The following ATXN1 variants were observed in gnomAD, a reference collection of about 807,000 sequenced individuals.
The protein encoded by ATXN1 is ataxin 1, also known as ataxin-1.
ATXN1 carries 8 observed loss-of-function variants against 56.4 expected under a neutral mutation model. The observed-to-expected ratio is 0.14, with a 90% CI of 0.08 to 0.26. The LOEUF (loss-of-function observed/expected upper bound fraction) is 0.26. Ranked by LOEUF, ATXN1 falls within the 10% of genes least tolerant of loss-of-function variation. The pLI is 1.00. For missense variants in ATXN1, 987 were observed against 1,106.5 expected (o/e 0.89, Z 1.53); for synonymous variants, 514 against 494.6 (o/e 1.04, Z -0.52).
At chr6:16,556,824 AATT>A (rs1377240046) in intron 4 of ATXN1, among the ~76,000 whole-genome samples, 1 of 152,250 alleles carries the variant, frequency 6.6e-6, no homozygotes, top group Non-Finnish European at 1.5e-5. Context: ...CAGGCAGAAA[AATT>A]ATTATTTATA....
chr6:16,740,707 A>AT (rs970845868), intron 2 of ATXN1, among the ~76,000 whole-genome samples: 6 of 151,902 alleles, frequency 3.9e-5, no homozygotes, highest in Admixed American at 2.6e-4. Context: ...TTATTTATTT[A>AT]TTTTTTTTAG....
At chr6:16,725,949 C>T (rs1195940357) in intron 2 of ATXN1, among the ~76,000 whole-genome samples, 1 of 152,156 alleles carries the variant, frequency 6.6e-6, no homozygotes, top group Non-Finnish European at 1.5e-5. Flanking sequence ...ATTTCTCTGC[C>T]CGCTTTGCCC....
At chr6:16,500,187 T>G (rs1260857288) in intron 5 of ATXN1, among the ~76,000 whole-genome samples, 1 of 152,184 alleles carries the variant, frequency 6.6e-6, no homozygotes, top group Non-Finnish European at 1.5e-5. Flanking sequence ...AAACTTGAAT[T>G]TCTTGTATCA....
chr6:16,684,871 T>C (rs968653006), intron 2 of ATXN1, among the ~76,000 whole-genome samples: 2 of 151,830 alleles, frequency 1.3e-5, no homozygotes, highest in African/African-American at 2.4e-5. Flanking sequence ...TTTTGAAGAA[T>C]TAAGGATTCT....
chr6:16,389,345 A>T (rs1758306093), intron 6 of ATXN1, among the ~76,000 whole-genome samples: 1 of 148,928 alleles, frequency 6.7e-6, no homozygotes, highest in African/African-American at 2.5e-5. Context: ...TCCAAAAAAA[A>T]AGAAAAAAAA....
rs1266055198 is a variant in ATXN1 at position 16,305,354 on chromosome 6, C to T, written c.*975G>A. On this transcript the variant is annotated 3_prime_UTR_variant, in exon 8 of 8. Transcript: ENST00000436367. ...CTAGAGTTCAAAGACAAAAAGATTT[C>T]GCAAACTCAACGTGAAGAGCTTCTG... is the stretch of plus-strand genomic sequence containing the variant. 6.6e-6 allele frequency: 1 copy of T among 152,260 alleles called. No homozygotes were observed. The highest frequency in any genetic ancestry group is 1.5e-5 in the Non-Finnish European group (1 of 68,020). 9.4% of individuals were successfully genotyped at this position (152,260 alleles called of 1,614,324 possible). A position where few individuals can be genotyped will look rare whatever the true frequency, so the allele number is the denominator to read the frequency against.
chr6:16,587,804 G>A (rs1022081176), intron 3 of ATXN1, among the ~76,000 whole-genome samples: 5 of 151,764 alleles, frequency 3.3e-5, no homozygotes, highest in Admixed American at 1.3e-4. Context: ...GGTGGTGGGC[G>A]CCTGTAATCC....
intron 4 of ATXN1, among the ~76,000 whole-genome samples, chr6:16,542,031 T>C (rs562854591): frequency 1.5e-3 from 222 of 152,006 alleles, no homozygotes; most frequent in African/African-American, 4.9e-3. Flanking sequence ...TAAAACCATC[T>C]CTTAAGGCCT....
intron 4 of ATXN1, among the ~76,000 whole-genome samples, chr6:16,569,256 C>T (rs1221909427): frequency 1.3e-5 from 2 of 152,068 alleles, no homozygotes; most frequent in South Asian, 2.1e-4. Context: ...TGGTGGCTCA[C>T]GCCTGTAATC....
chr6:16,564,968 T>G (rs1483677870), intron 4 of ATXN1, among the ~76,000 whole-genome samples: 1 of 152,176 alleles, frequency 6.6e-6, no homozygotes, highest in South Asian at 2.1e-4. Flanking sequence ...AATACAGAAT[T>G]CAAGCAGTTC....
At chr6:16,386,287 T>A (rs1758238864) in intron 6 of ATXN1, among the ~76,000 whole-genome samples, 1 of 152,010 alleles carries the variant, frequency 6.6e-6, no homozygotes, top group African/African-American at 2.4e-5. Flanking sequence ...AAGATCTACA[T>A]CGCGTTCTCT....
At position 16,327,088 on chromosome 6, in the gene ATXN1, G is replaced by A; in HGVS notation, c.1223C>T (p.Ser408Phe). 6.2e-7 allele frequency: 1 copy of A among 1,613,862 alleles called. No individual in the cohort carries two copies. Among genetic ancestry groups the A allele is most frequent in the Non-Finnish European group, 8.5e-7 (1 of 1,180,032 alleles). Residue 408 changes from serine to phenylalanine, a missense_variant, in exon 7 of 8, where the codon TCT (serine) becomes TTT (phenylalanine). This residue lies in a region of ATXN1 where 723 missense variants were observed against 791.7 expected (regional missense o/e 0.91). Coordinates refer to ENST00000436367, the MANE Select transcript of ATXN1 (RefSeq NM_001128164.2). ...QQATHREASP[S>F]TLNDKSGLHL... ...CAGGCCACTTTTGTCGTTGAGGGTA[G>A]AAGGGGAGGCTTCACGATGAGTGGC...
At chr6:16,508,020 G>T (rs769646894) in intron 5 of ATXN1, among the ~76,000 whole-genome samples, 17 of 152,130 alleles carry the variant, frequency 1.1e-4, no homozygotes, top group Non-Finnish European at 2.5e-4. Context: ...CCCAATGTAG[G>T]ATGCCTCCCT....
intron 2 of ATXN1, among the ~76,000 whole-genome samples, chr6:16,688,984 C>CAT (rs1758979651): frequency 6.6e-6 from 1 of 151,574 alleles, no homozygotes; most frequent in South Asian, 2.1e-4. Context: ...TGTGTATGTA[C>CAT]ATATATAGTA....
intron 6 of ATXN1, among the ~76,000 whole-genome samples, chr6:16,376,891 T>C (rs1443202754): frequency 1.3e-5 from 2 of 152,264 alleles, no homozygotes; most frequent in Non-Finnish European, 2.9e-5. Flanking sequence ...AAGGAAGTTA[T>C]TGTATGCAGA....
At chr6:16,390,898 C>T (rs557661141) in intron 6 of ATXN1, among the ~76,000 whole-genome samples, 9 of 152,148 alleles carry the variant, frequency 5.9e-5, no homozygotes, top group South Asian at 4.1e-4. Context: ...TGGTGGCTCA[C>T]GCCTGTAATC....
At chr6:16,735,566 T>C (rs1184412123) in intron 2 of ATXN1, among the ~76,000 whole-genome samples, 1 of 152,188 alleles carries the variant, frequency 6.6e-6, no homozygotes, top group African/African-American at 2.4e-5. Flanking sequence ...CTCATTAATA[T>C]TAACTGCTAT....
At chr6:16,728,282 G>A (rs1199974689) in intron 2 of ATXN1, among the ~76,000 whole-genome samples, 1 of 152,236 alleles carries the variant, frequency 6.6e-6, no homozygotes, top group East Asian at 1.9e-4. Flanking sequence ...GGGCAGTGGG[G>A]AGGGAAGTTG....
intron 6 of ATXN1, among the ~76,000 whole-genome samples, chr6:16,339,054 A>G (rs1439988368): frequency 6.6e-6 from 1 of 152,122 alleles, no homozygotes; most frequent in Non-Finnish European, 1.5e-5. Context: ...TACTTTTTGG[A>G]TGAGTAATTC....
Sources: gnomAD v4.1 joint callset for allele counts (sites outside exome capture counted in the v4.1 genomes callset) on GRCh38, gnomAD v4.1.1 for gene constraint, gnomAD v4.1.1 regional missense constraint, MANE v1.5 for transcripts, NCBI Gene and HGNC (gene_info 2026-07-23, HGNC 2026-07-21) for gene names.